NRXN1: variants seen among roughly 807,000 people sequenced by gnomAD.
NRXN1 encodes neurexin-1.
Under a neutral mutation model 150.9 loss-of-function variants are expected in NRXN1, and 39 were observed. That is an observed-to-expected ratio of 0.26 (90% CI 0.20 to 0.34). The LOEUF (loss-of-function observed/expected upper bound fraction) is 0.34. Ranked by LOEUF, NRXN1 falls within the 10% of genes least tolerant of loss-of-function variation. NRXN1 has a pLI of 1.00. For synonymous variants in NRXN1, 924 were observed against 757.0 expected (o/e 1.22, Z -3.62); for missense variants, 1,815 against 1,949.9 (o/e 0.93, Z 1.30).
chr2:50,799,514 A>C (rs1279501880), intron 5 of NRXN1, among the ~76,000 whole-genome samples: 2 of 152,196 alleles, frequency 1.3e-5, no homozygotes, highest in Non-Finnish European at 2.9e-5. Flanking sequence ...ACAGTTGTTC[A>C]GCTTAGGATT....
intron 2 of NRXN1, among the ~76,000 whole-genome samples, chr2:51,019,331 T>C (rs1669235123): frequency 2.0e-5 from 3 of 152,118 alleles, no homozygotes. Flanking sequence ...GGTAAGACTA[T>C]ATAAGATAAG....
At chr2:50,372,911 C>G (rs1027466583) in intron 17 of NRXN1, among the ~76,000 whole-genome samples, 1 of 152,072 alleles carries the variant, frequency 6.6e-6, no homozygotes, top group Non-Finnish European at 1.5e-5. Flanking sequence ...CAAAAACACA[C>G]CTTACCATAC....
rs148762944 is a variant in NRXN1 at position 50,459,859 on chromosome 2, T to C, written c.3364+5583A>G. On this transcript the variant is annotated intron_variant, in intron 17 of 22. Transcript: ENST00000401669. ...ATATAAAAAGTAAAATTAAACTTAA[T>C]GGCTCCAAGTGTCAACAGTTAGCAC... 3.2e-4 allele frequency among the ~76,000 whole-genome samples: 48 copies of C among 152,238 alleles called. No individual in the cohort carries two copies. The East Asian group carries it at 7.9e-3, about 25-fold the overall frequency.
intron 8 of NRXN1, among the ~76,000 whole-genome samples, chr2:50,579,313 A>T (rs1192455469): frequency 6.6e-6 from 1 of 152,186 alleles, no homozygotes; most frequent in Admixed American, 6.5e-5. Context: ...TAAATAGGAA[A>T]GCCTGTATTA....
At chr2:50,324,739 A>C (rs1305369297) in intron 17 of NRXN1, among the ~76,000 whole-genome samples, 1 of 152,222 alleles carries the variant, frequency 6.6e-6, no homozygotes, top group East Asian at 1.9e-4. Context: ...TTGCCTGCTT[A>C]AGCTTCTCCT....
Position 50,496,238 on chromosome 2 carries a change from C to T in NRXN1, c.2880-143G>A, listed in dbSNP as rs1356716364. On this transcript the variant is annotated intron_variant, in intron 14 of 22. Coordinates refer to ENST00000401669, the MANE Select transcript of NRXN1 (RefSeq NM_001330078.2). ...GACAATAAGTTACATAGAAACTCAG[C>T]TATCAAGAAGGTAACAAACACTATT... 5.2e-6 allele frequency: 3 copies of T among 581,864 alleles called. No individual in the cohort carries two copies. In the African/African-American group the frequency reaches 5.6e-5, roughly 11 times the overall value. 36.0% of individuals were successfully genotyped at this position (581,864 alleles called of 1,614,324 possible).
chr2:50,622,165 C>T (rs970158681), intron 6 of NRXN1, among the ~76,000 whole-genome samples: 1 of 152,156 alleles, frequency 6.6e-6, no homozygotes, highest in Non-Finnish European at 1.5e-5. Context: ...GGGCCCCTCC[C>T]ATGTCAATGA....
At chr2:50,549,761 G>A (rs1244036976) in intron 9 of NRXN1, among the ~76,000 whole-genome samples, 1 of 152,120 alleles carries the variant, frequency 6.6e-6, no homozygotes, top group Non-Finnish European at 1.5e-5. Flanking sequence ...TCTGCTTGAA[G>A]ATTAAAGTAT....
intron 5 of NRXN1, among the ~76,000 whole-genome samples, chr2:50,784,404 G>C (rs1172586812): frequency 6.6e-6 from 1 of 152,038 alleles, no homozygotes; most frequent in Non-Finnish European, 1.5e-5. Context: ...GATGGCAGTA[G>C]AAGCAATGAA....
At chr2:49,929,428 G>C (rs1669728572) in intron 22 of NRXN1, among the ~76,000 whole-genome samples, 1 of 152,114 alleles carries the variant, frequency 6.6e-6, no homozygotes, top group Admixed American at 6.5e-5. Flanking sequence ...AAGCTTCATA[G>C]ACTTTTTACA....
chr2:50,707,920 TCCAA>T (rs1694662780), intron 5 of NRXN1, among the ~76,000 whole-genome samples: 1 of 152,202 alleles, frequency 6.6e-6, no homozygotes, highest in South Asian at 2.1e-4. Flanking sequence ...ATGGATAATC[TCCAA>T]CCAACAATGT....
intron 19 of NRXN1, among the ~76,000 whole-genome samples, chr2:50,079,597 T>C (rs1316532353): frequency 3.3e-5 from 5 of 152,146 alleles, no homozygotes; most frequent in Admixed American, 6.5e-5. Context: ...CTTGAATGTA[T>C]ATTTTTCCTA....
intron 17 of NRXN1, among the ~76,000 whole-genome samples, chr2:50,371,800 G>T (rs1302235056): frequency 2.0e-5 from 3 of 151,702 alleles, no homozygotes; most frequent in Non-Finnish European, 4.4e-5. Flanking sequence ...ATAAAATATA[G>T]TAAAATATTA....
At chr2:50,951,338 G>A (rs887268682) in intron 2 of NRXN1, among the ~76,000 whole-genome samples, 22 of 152,138 alleles carry the variant, frequency 1.4e-4, no homozygotes, top group African/African-American at 5.1e-4. Context: ...AGGGGTTGGG[G>A]TACTAAACGT....
chr2:49,978,368 T>A (rs1179860580), intron 21 of NRXN1, among the ~76,000 whole-genome samples: 1 of 152,092 alleles, frequency 6.6e-6, no homozygotes, highest in Non-Finnish European at 1.5e-5. Flanking sequence ...TGCCACCCTC[T>A]CCCCTTAGAA....
chr2:50,869,508 G>A (rs1007828812), intron 5 of NRXN1, among the ~76,000 whole-genome samples: 16 of 151,408 alleles, frequency 1.1e-4, no homozygotes, highest in Admixed American at 9.2e-4. Context: ...GAGAGAGAAT[G>A]GAAAAAACCA....
At chr2:50,604,107 T>A (rs1026720784) in intron 8 of NRXN1, among the ~76,000 whole-genome samples, 14 of 152,236 alleles carry the variant, frequency 9.2e-5, no homozygotes, top group Admixed American at 7.2e-4. Context: ...TGGATCTGTT[T>A]CAGTATATTT....
intron 5 of NRXN1, among the ~76,000 whole-genome samples, chr2:50,793,443 G>A (rs887006814): frequency 6.6e-6 from 1 of 151,974 alleles, no homozygotes; most frequent in Non-Finnish European, 1.5e-5. Flanking sequence ...GCGATTTTTG[G>A]TGTAACGTTC....
intron 5 of NRXN1, among the ~76,000 whole-genome samples, chr2:50,688,975 T>C (rs1384616606): frequency 6.6e-6 from 1 of 152,162 alleles, no homozygotes; most frequent in Non-Finnish European, 1.5e-5. Flanking sequence ...TTTTCCAATC[T>C]GGAGACTTAT....
Sources: allele counts gnomAD v4.1 joint callset (sites outside exome capture counted in the v4.1 genomes callset), GRCh38; gene constraint gnomAD v4.1.1; transcripts MANE v1.5; gene names NCBI Gene and HGNC (gene_info 2026-07-23, HGNC 2026-07-21).